The following LINC00632 variants were observed in gnomAD, a reference collection of about 807,000 sequenced individuals.
LINC00632 encodes ALDOA related specific transcript.
At chrX:140,716,990 C>T (rs1930643466) in intron 2 of LINC00632, among the ~76,000 whole-genome samples, 1 of 109,736 alleles carries the variant, frequency 9.1e-6, no homozygotes, top group Non-Finnish European at 1.9e-5. Context: ...CATTCCACAA[C>T]ATTTTTTTTT....
At chrX:140,775,526 TAG>T (rs1193564826) in exon 5 of LINC00632, among the ~76,000 whole-genome samples, 1 of 112,088 alleles carries the variant, frequency 8.9e-6, no homozygotes, top group Non-Finnish European at 1.9e-5. Flanking sequence ...TTCTGGGGAA[TAG>T]AGAGGAAGTC....
chrX:140,772,209 G>A (rs768200153), exon 4 of LINC00632: 45 of 294,084 alleles, frequency 1.5e-4, no homozygotes, highest in African/African-American at 1.1e-3. Context: ...GCTTTGGAAC[G>A]ATATGCAAGT....
At chrX:140,788,494 C>CT (rs1932051280) in exon 5 of LINC00632, among the ~76,000 whole-genome samples, 1 of 109,708 alleles carries the variant, frequency 9.1e-6, no homozygotes, top group East Asian at 2.9e-4. Context: ...TTTTTATTCT[C>CT]TTTTGGTTCT....
intron 3 of LINC00632, among the ~76,000 whole-genome samples, chrX:140,767,133 A>G (rs767889513): frequency 9.0e-6 from 1 of 111,671 alleles, no homozygotes; most frequent in East Asian, 2.8e-4. Flanking sequence ...AGTGCATTGT[A>G]ATGGATGAGT....
Position 140,779,891 on chromosome X carries a change from C to G in LINC00632, n.7910C>G, listed in dbSNP as rs369145499. Among the ~76,000 whole-genome samples, 18 of 111,547 alleles carry G rather than the reference C, an allele frequency of 1.6e-4. No individual in the cohort carries two copies. In the East Asian group the frequency reaches 4.8e-3, roughly 30 times the overall value. ...CTTTGCCACTGACTTCTTGTCTGCT[C>G]TGGGCTGGGGGCACCCTCTTTTTGG... On this transcript the variant is annotated non_coding_transcript_exon_variant, in exon 5 of 5. Transcript: ENST00000648200.
At chrX:140,728,789 A>C (rs1171475494) in intron 2 of LINC00632, among the ~76,000 whole-genome samples, 2 of 111,681 alleles carry the variant, frequency 1.8e-5, no homozygotes, top group African/African-American at 6.5e-5. Context: ...TTAGACATAC[A>C]GACTCAACCC....
At chrX:140,786,401 A>C (rs1740655683) in exon 5 of LINC00632, among the ~76,000 whole-genome samples, 1 of 111,770 alleles carries the variant, frequency 8.9e-6, no homozygotes, top group Non-Finnish European at 1.9e-5. Flanking sequence ...TGGAAAATCA[A>C]GGAAAGCATT....
chrX:140,781,124 T>A lies in LINC00632; in HGVS notation n.9143T>A, dbSNP rs772844667. Among the ~76,000 whole-genome samples the A allele has an allele frequency of 2.7e-5, 3 of 111,414 alleles. No individual in the cohort carries two copies. In the South Asian group the frequency reaches 1.1e-3, roughly 42 times the overall value. On this transcript the variant is annotated non_coding_transcript_exon_variant, in exon 5 of 5. Coordinates refer to ENST00000648200, the Ensembl canonical transcript of LINC00632. Reference sequence around the variant, plus strand: ...TAGTTCCAGTGTACTTTCCCAGTTTTGTATGCCAGTGTTCTCTTTCATGTA... The same window carrying A: ...TAGTTCCAGTGTACTTTCCCAGTTTAGTATGCCAGTGTTCTCTTTCATGTA...
intron 3 of LINC00632, among the ~76,000 whole-genome samples, chrX:140,743,559 T>C (rs1011792145): frequency 9.0e-6 from 1 of 110,599 alleles, no homozygotes; most frequent in Non-Finnish European, 1.9e-5. Context: ...TGTGAATTTT[T>C]ACAAAAAAAA....
At chrX:140,711,270 C>T (rs1569345966) in intron 1 of LINC00632, among the ~76,000 whole-genome samples, 1 of 111,022 alleles carries the variant, frequency 9.0e-6, no homozygotes, top group Non-Finnish European at 1.9e-5. Flanking sequence ...CCCATAATCC[C>T]GTAACTTAGA....
chrX:140,762,616 A>T (rs1009629568), intron 3 of LINC00632, among the ~76,000 whole-genome samples: 7 of 112,318 alleles, frequency 6.2e-5, no homozygotes, highest in Non-Finnish European at 1.3e-4. Flanking sequence ...TGCTTCTGTA[A>T]CAGTAAATAT....
At chrX:140,732,845 C>T (rs1931081919) in intron 2 of LINC00632, among the ~76,000 whole-genome samples, 1 of 109,509 alleles carries the variant, frequency 9.1e-6, no homozygotes, top group African/African-American at 3.3e-5. Context: ...CTCACTGTAA[C>T]CTCCACCTCC....
At chrX:140,713,130 C>T (rs1281938252) in intron 2 of LINC00632, among the ~76,000 whole-genome samples, 1 of 110,558 alleles carries the variant, frequency 9.0e-6, no homozygotes, top group Non-Finnish European at 1.9e-5. Flanking sequence ...GCAGACATGA[C>T]GTCAGTTTTT....
At chrX:140,772,385 T>C (rs1418005031) in exon 4 of LINC00632, 3 of 294,157 alleles carry the variant, frequency 1.0e-5, no homozygotes, top group Admixed American at 6.3e-5. Context: ...GTCTTGTGAA[T>C]TTTATCATTT....
intron 2 of LINC00632, among the ~76,000 whole-genome samples, chrX:140,726,442 C>T (rs1443469061): frequency 9.0e-6 from 1 of 111,335 alleles, no homozygotes; most frequent in Non-Finnish European, 1.9e-5. Flanking sequence ...CCTAAATTTA[C>T]ACCAAACACT....
At chrX:140,774,250 AT>A (rs1330495075) in exon 4 of LINC00632, among the ~76,000 whole-genome samples, 1 of 112,295 alleles carries the variant, frequency 8.9e-6, no homozygotes, top group Non-Finnish European at 1.9e-5. Flanking sequence ...CACAAATGAA[AT>A]TGTCACAATG....
At chrX:140,727,833 C>T (rs1291297584) in intron 2 of LINC00632, among the ~76,000 whole-genome samples, 1 of 111,823 alleles carries the variant, frequency 8.9e-6, no homozygotes, top group African/African-American at 3.3e-5. Context: ...GCAAAAATCT[C>T]CCTAACAATA....
rs148572746 is a variant in LINC00632 at position 140,781,289 on chromosome X, G to T, written n.9308G>T. On this transcript the variant is annotated non_coding_transcript_exon_variant, in exon 5 of 5. Transcript: ENST00000648200. ...ATTACATGTATTACCTGAAGCCAGG[G>T]TGCCTGAGAAGAGCCTACCAAGCTA... 3.0e-4 allele frequency among the ~76,000 whole-genome samples: 33 copies of T among 111,288 alleles called. No individual in the cohort carries two copies. The East Asian group carries it at 9.5e-3, about 32-fold the overall frequency.
intron 2 of LINC00632, among the ~76,000 whole-genome samples, chrX:140,726,178 C>A (rs1930958112): frequency 1.8e-5 from 2 of 111,158 alleles, no homozygotes; most frequent in African/African-American, 6.6e-5. Flanking sequence ...TTCAGACTTA[C>A]CTTATGGCAC....
Sources: gnomAD v4.1 joint callset for allele counts (sites outside exome capture counted in the v4.1 genomes callset) on GRCh38, gnomAD v4.1.1 for gene constraint, MANE v1.5 for transcripts, NCBI Gene and HGNC (gene_info 2026-07-23, HGNC 2026-07-21) for gene names.